The following MRPL38 variants were observed in gnomAD, a reference collection of about 807,000 sequenced individuals.
MRPL38 encodes large ribosomal subunit protein mL38.
In MRPL38, 51 loss-of-function variants were observed where a neutral mutation model predicts 52.1. The ratio of observed to expected loss-of-function variants is 0.98; its 90% CI spans 0.78 to 1.24. MRPL38 has a LOEUF of 1.24. Among genes scored for constraint, MRPL38 ranks in the 50% most tolerant of loss-of-function variants. The pLI is 0.00. For synonymous variants in MRPL38, 245 were observed against 212.7 expected, an observed-to-expected ratio of 1.15 and a Z score of -1.32; for missense variants, 527 against 518.6, an observed-to-expected ratio of 1.02 and a Z score of -0.16.
chr17:75,901,651 T>G lies in MRPL38; in HGVS notation c.591+61A>C. On this transcript the variant is annotated intron_variant, in intron 4 of 8. Transcript: ENST00000309352. The surrounding 1 kb of genome is among the most constrained non-coding windows in gnomAD (Gnocchi z 5.7). Reference sequence around the variant, plus strand: ...CCAAACCCAGGAGTGTCTGTGACACTGAGATGGGATGTGTCTGTGTTTGCA... The same window carrying G: ...CCAAACCCAGGAGTGTCTGTGACACGGAGATGGGATGTGTCTGTGTTTGCA... 1 of 1,436,446 alleles carries G rather than the reference T, an allele frequency of 7.0e-7. No homozygotes were observed. Among genetic ancestry groups the G allele is most frequent in the Non-Finnish European group, 9.8e-7 (1 of 1,021,970 alleles). 89.0% of individuals were successfully genotyped at this position (1,436,446 alleles called of 1,614,324 possible).
chr17:75,900,853 A>C, intron 6 of MRPL38, 129 bp downstream of exon 6: 1 of 1,451,776 alleles, frequency 6.9e-7, no homozygotes, highest in Non-Finnish European at 9.1e-7. Flanking sequence ...CACCCTCAGG[A>C]GGCAGAGGTG....
chr17:75,904,824 C>T lies in MRPL38; in HGVS notation c.52G>A (p.Gly18Ser). The T allele has an allele frequency of 6.6e-7, 1 of 1,520,902 alleles. No individual in the cohort carries two copies. Among genetic ancestry groups the T allele is most frequent in the Non-Finnish European group, 8.8e-7 (1 of 1,140,820 alleles). 94.2% of individuals were successfully genotyped at this position (1,520,902 alleles called of 1,614,324 possible). The change falls in exon 1 of 9, where the codon GGC (glycine) becomes AGC (serine). Residue 18 changes from glycine to serine, a missense_variant. Coordinates refer to ENST00000309352, the MANE Select transcript of MRPL38 (RefSeq NM_032478.4). ...CACCCCTCACCCGAGGTGCTGAAGC[C>T]CCGCCATCTCCGACACTCGCACAGC... Reference protein sequence around the residue: ...AALCECRRWRGFSTSAVLGRR... With the variant: ...AALCECRRWRSFSTSAVLGRR...
chr17:75,901,928 G>A lies in MRPL38; in HGVS notation c.383-8C>T, dbSNP rs898729347. ...CATCCAGCGGGACACTGGCTAGACA[G>A]GAATAAGGCCAGTTGGGATACGGGG... On this transcript the variant is annotated splice_region_variant and splice_polypyrimidine_tract_variant and intron_variant, in intron 3 of 8. Coordinates refer to ENST00000309352, the MANE Select transcript of MRPL38 (RefSeq NM_032478.4). This position sits in a 1 kb window ranked among gnomAD's most constrained non-coding sequence, Gnocchi z 5.7. 2.5e-6 allele frequency: 4 copies of A among 1,599,558 alleles called. No homozygotes were observed. The African/African-American group carries it at 5.4e-5, about 21-fold the overall frequency.
chr17:75,899,560 C>T lies in MRPL38; in HGVS notation c.825G>A (p.Gln275=). Residue 275 remains glutamine, a synonymous_variant, in exon 7 of 9, where the codon CAG becomes CAA. Transcript: ENST00000309352. ...IHRLAFLLFK[Q]DQPIDFSEDA... ...CCTCAGAGAAGTCAATCGGCTGGTC[C>T]TGCTTGAAGAGCAGGAAGGCAAGAC... 3 of 1,604,540 alleles carry T rather than the reference C, an allele frequency of 1.9e-6. No homozygotes were observed. The highest frequency in any genetic ancestry group is 2.6e-6 in the Non-Finnish European group (3 of 1,174,316).
At chr17:75,899,439 AAG>A in intron 7 of MRPL38, 75 bp downstream of exon 7, 7 of 1,518,084 alleles carry the variant, frequency 4.6e-6, no homozygotes, top group Non-Finnish European at 6.2e-6. Flanking sequence ...GGCTGAGGTC[AAG>A]AGAGAACTGA....
Position 75,904,805 on chromosome 17 carries a change from T to TC in MRPL38, c.67+3dup. Reference sequence around the variant, plus strand: ...CCCCCCCCGCAGAGCTGCCCACCCCTCACCCGAGGTGCTGAAGCCCCGCCA... The same window carrying TC: ...CCCCCCCCGCAGAGCTGCCCACCCCTCCACCCGAGGTGCTGAAGCCCCGCCA... On this transcript the variant is annotated splice_donor_region_variant and intron_variant, in intron 1 of 8. Transcript: ENST00000309352. 1.6e-5 allele frequency: 8 copies of TC among 497,728 alleles called. No individual in the cohort carries two copies. Among genetic ancestry groups the TC allele is most frequent in the Non-Finnish European group, 2.1e-5 (8 of 379,670 alleles). The allele number at this position is 497,728 out of a possible 1,614,324, so 30.8% of individuals were successfully genotyped here. A position where few individuals can be genotyped will look rare whatever the true frequency, so the allele number is the denominator to read the frequency against.
chr17:75,903,755 C>T (rs572466329), intron 2 of MRPL38, among the ~76,000 whole-genome samples: 5 of 149,420 alleles, frequency 3.3e-5, no homozygotes, highest in African/African-American at 9.8e-5. Flanking sequence ...GACGGAGTTT[C>T]GCTCTTGTTG....
intron 2 of MRPL38, among the ~76,000 whole-genome samples, chr17:75,902,866 C>G (rs1049581782): frequency 2.0e-5 from 3 of 152,178 alleles, no homozygotes; most frequent in African/African-American, 7.2e-5. Flanking sequence ...GGATTACAGG[C>G]GCCTGCCACC....
chr17:75,904,769 A>AGGGGGGGG, intron 1 of MRPL38, 40 bp downstream of exon 1: 10 of 454,428 alleles, frequency 2.2e-5, no homozygotes, highest in Non-Finnish European at 3.0e-5. Flanking sequence ...CTCGGGCGAC[A>AGGGGGGGG]GCCCCCCCCC....
chr17:75,904,197 CAG>C lies in MRPL38; in HGVS notation c.247+341_247+342del, dbSNP rs1452785411. On this transcript the variant is annotated intron_variant, in intron 2 of 8. Transcript: ENST00000309352. ...AATCTGGGGAGAGGCAGCGCACAGT[CAG>C]AATGCAGTGTGGCCAGAGTTACCTA... 5.6e-5 allele frequency: 29 copies of C among 518,120 alleles called. No homozygotes were observed. In the East Asian group the frequency reaches 1.4e-3, roughly 24 times the overall value. 32.1% of individuals were successfully genotyped at this position (518,120 alleles called of 1,614,324 possible). A position where few individuals can be genotyped will look rare whatever the true frequency, so the allele number is the denominator to read the frequency against.
In MRPL38 at chr17:75,904,561, C is replaced by A; in HGVS notation, c.226G>T (p.Glu76Ter). 6.4e-7 allele frequency: 1 copy of A among 1,566,820 alleles called. No homozygotes were observed. The highest frequency in any genetic ancestry group is 8.6e-7 in the Non-Finnish European group (1 of 1,166,926). ...GCACCTGTCTTCTCCCCGAAATACTCTCGGTAGGTCCGCCACCAGTGCGGG... is the reference window on the plus strand; with the variant it reads ...GCACCTGTCTTCTCCCCGAAATACTATCGGTAGGTCCGCCACCAGTGCGGG... ...QAPHWWRTYR[E>*]YFGEKTDPKE... The change falls in exon 2 of 9, where the codon GAG (glutamate) becomes TAG (stop). Residue 76 changes from glutamate (E) to a stop codon, truncating the protein, a stop_gained. Coordinates refer to ENST00000309352, the MANE Select transcript of MRPL38 (RefSeq NM_032478.4). LOFTEE classifies it high-confidence loss of function.
At chr17:75,900,510 G>A (rs2065398912) in intron 6 of MRPL38, 1 of 156,814 alleles carries the variant, frequency 6.4e-6, no homozygotes, top group East Asian at 1.9e-4. Flanking sequence ...CAGATCGCTT[G>A]AGCTCAGGAG....
chr17:75,904,288 G>C (rs559044695), intron 2 of MRPL38: 1 of 666,730 alleles, frequency 1.5e-6, no homozygotes, highest in South Asian at 1.5e-5. Flanking sequence ...AAGATTTTAG[G>C]AGCAAATATT....
Position 75,898,692 on chromosome 17 carries a change from A to T in MRPL38, c.*158T>A. 2.6e-6 allele frequency: 2 copies of T among 770,138 alleles called. No individual in the cohort carries two copies. Among genetic ancestry groups the T allele is most frequent in the Non-Finnish European group, 4.1e-6 (2 of 487,148 alleles). The allele number at this position is 770,138 out of a possible 1,614,324, so 47.7% of individuals were successfully genotyped here. On this transcript the variant is annotated 3_prime_UTR_variant, in exon 9 of 9. Transcript: ENST00000309352. ...CACATTCCCCACCCCACCACCTGAG[A>T]GTCACTTTCACTCCAAGCCCTGGGC...
Position 75,901,174 on chromosome 17 carries a change from G to A in MRPL38, c.664+27C>T, listed in dbSNP as rs1412971192. ...GGCTCATAGGAGGTGAGCGGGGCAG[G>A]AGGCCTGGTGAGCCCCAGACACCCA... is the stretch of plus-strand genomic sequence containing the variant. On this transcript the variant is annotated intron_variant, in intron 5 of 8. Coordinates refer to ENST00000309352, the MANE Select transcript of MRPL38 (RefSeq NM_032478.4). This position sits in a 1 kb window ranked among gnomAD's most constrained non-coding sequence, Gnocchi z 5.7. 1.2e-6 allele frequency: 2 copies of A among 1,612,466 alleles called. No homozygotes were observed. The highest frequency in any genetic ancestry group is 1.7e-6 in the Non-Finnish European group (2 of 1,179,426).
At chr17:75,902,243 A>T (rs549057930) in intron 2 of MRPL38, 89 bp from the exon 3 acceptor site, 17 of 1,366,092 alleles carry the variant, frequency 1.2e-5, no homozygotes, top group Admixed American at 2.4e-5. Context: ...AGCTGGGGCT[A>T]CAAGTGTACA....
chr17:75,898,961 G>A lies in MRPL38; in HGVS notation c.1032C>T (p.Phe344=), dbSNP rs775410424. ...TGGGGTGGTAAGGGGGCGGCCGCAC[G>A]AACTCAAACACCGGCTCCCGCATGT... ...LLDMREPVFE[F]VRPPPYHPKQ... is the part of the protein sequence containing the mutation. Residue 344 remains phenylalanine (F), a synonymous_variant, in exon 9 of 9, where the codon TTC becomes TTT. Transcript: ENST00000309352. The A allele has an allele frequency of 1.9e-5, 30 of 1,603,606 alleles. No homozygotes were observed. The highest frequency in any genetic ancestry group is 1.7e-4 in the Middle Eastern group (1 of 5,950).
At position 75,901,381 on chromosome 17, in the gene MRPL38, C is replaced by A; in HGVS notation, c.592-108G>T. On this transcript the variant is annotated intron_variant, in intron 4 of 8. Transcript: ENST00000309352. This position sits in a 1 kb window ranked among gnomAD's most constrained non-coding sequence, Gnocchi z 5.7. Reference sequence around the variant, plus strand: ...TCTGACCCAAAAGCCCTTGACAACCCCTGGCACAGGCAGGCAGGCAAAGGG... The same window carrying A: ...TCTGACCCAAAAGCCCTTGACAACCACTGGCACAGGCAGGCAGGCAAAGGG... The A allele has an allele frequency of 9.1e-7, 1 of 1,102,632 alleles. No individual in the cohort carries two copies. The allele number at this position is 1,102,632 out of a possible 1,614,324, so 68.3% of individuals were successfully genotyped here. A position where few individuals can be genotyped will look rare whatever the true frequency, so the allele number is the denominator to read the frequency against.
In MRPL38 at chr17:75,898,936, TG is replaced by T. The variant is rs760998208; in HGVS notation, c.1056del (p.Lys353SerfsTer41). 2 of 1,609,112 alleles carry T rather than the reference TG, an allele frequency of 1.2e-6. No individual in the cohort carries two copies. The highest frequency in any genetic ancestry group is 1.1e-5 in the South Asian group (1 of 90,874). On this transcript the variant is annotated frameshift_variant, in exon 9 of 9. Coordinates refer to ENST00000309352, the MANE Select transcript of MRPL38 (RefSeq NM_032478.4). LOFTEE classifies it high-confidence loss of function. The part of the protein sequence containing the change: ...FEFVRPPPYH[P>X]KQKRFPHRQP... ...TGCCGGTGGGGGAAGCGCTTCTGCT[TG>T]GGGTGGTAAGGGGGCGGCCGCACGA...
Sources: gnomAD v4.1 joint callset for allele counts (sites outside exome capture counted in the v4.1 genomes callset) on GRCh38, gnomAD v4.1.1 for gene constraint, Gnocchi (gnomAD v3.1) non-coding constraint, MANE v1.5 for transcripts, NCBI Gene and HGNC (gene_info 2026-07-23, HGNC 2026-07-21) for gene names.